The following FAM53A variants were observed in gnomAD, a reference collection of about 807,000 sequenced individuals.
FAM53A encodes the protein protein FAM53A.
A neutral mutation model predicts 26.6 loss-of-function variants in FAM53A; 28 were observed. That is an observed-to-expected ratio of 1.05 (90% CI 0.78 to 1.45). The LOEUF is 1.45. FAM53A is among the 40% of genes most tolerant of loss of function. The probability of loss-of-function intolerance (pLI) is 0.00; values close to 1 mark genes in which losing one functional copy is unlikely to be tolerated. For synonymous variants in FAM53A, 290 were observed against 253.1 expected (o/e 1.15, Z -1.38); for missense variants, 650 against 575.8 (o/e 1.13, Z -1.32).
At chr4:1,636,149 G>A (rs1715829024), downstream of FAM53A, among the ~76,000 whole-genome samples, 1 of 152,116 alleles carries the variant, frequency 6.6e-6, no homozygotes, top group Admixed American at 6.5e-5. Flanking sequence ...GCCCGGCCAT[G>A]ATACTAATTC....
chr4:1,617,969 C>T (rs561231790), exon 2 of FAM53A: 6 of 445,618 alleles, frequency 1.3e-5, no homozygotes, highest in Middle Eastern at 3.3e-4. Flanking sequence ...ATGGTGCCAC[C>T]ACAACAGAAC....
chr4:1,580,581 C>G, the FAM53A span, among the ~76,000 whole-genome samples: 8 of 148,608 alleles, frequency 5.4e-5, no homozygotes, highest in East Asian at 1.6e-3. Context: ...GGCCCCGCCT[C>G]CTACCTCGGG....
At chr4:1,609,045 C>T in the FAM53A span, among the ~76,000 whole-genome samples, 1 of 152,056 alleles carries the variant, frequency 6.6e-6, no homozygotes. Context: ...CTTGAATCCA[C>T]GTCAGGAACC....
At chr4:1,605,825 G>A in the FAM53A span, among the ~76,000 whole-genome samples, 1 of 152,110 alleles carries the variant, frequency 6.6e-6, no homozygotes, top group Admixed American at 6.5e-5. This position sits in a 1 kb window ranked among gnomAD's most constrained non-coding sequence, Gnocchi z 5.7. Flanking sequence ...CAGGAGTCCT[G>A]GTGGCTCTCA....
intron 4 of FAM53A, among the ~76,000 whole-genome samples, chr4:1,653,542 G>C (rs985936170): frequency 3.9e-5 from 6 of 152,192 alleles, no homozygotes; most frequent in Admixed American, 2.6e-4. Context: ...GCCCTGGCAA[G>C]CAGGGACAGC....
In FAM53A at chr4:1,659,957, A is replaced by C. The variant is rs1394317794; in HGVS notation, c.76-2489T>G. Among the ~76,000 whole-genome samples the C allele has an allele frequency of 6.6e-6, 1 of 152,134 alleles. No individual in the cohort carries two copies. The highest frequency in any genetic ancestry group is 6.5e-5 in the Admixed American group (1 of 15,274). On this transcript the variant is annotated intron_variant, in intron 2 of 4. Coordinates refer to ENST00000308132, the MANE Select transcript of FAM53A (RefSeq NM_001174070.3). This position sits in a 1 kb window ranked among gnomAD's most constrained non-coding sequence, Gnocchi z 5.2. The stretch of plus-strand genomic sequence containing the variant: ...ACCTTGAGGGTGAGGACTTCAACAT[A>C]TGGGTTTCGGGGAATGTGAACATGC...
chr4:1,652,619 A>G (rs1443359805), intron 4 of FAM53A, among the ~76,000 whole-genome samples: 1 of 147,980 alleles, frequency 6.8e-6, no homozygotes, highest in Admixed American at 6.7e-5. Context: ...CACCACACAC[A>G]CACACACCAG....
chr4:1,631,402 CCA>C (rs1420938042), intron 1 of FAM53A, among the ~76,000 whole-genome samples: 1 of 152,242 alleles, frequency 6.6e-6, no homozygotes, highest in East Asian at 1.9e-4. Flanking sequence ...CAGGCCGTTC[CCA>C]CACATGCTAA....
chr4:1,685,379 A>T (rs1715754384), upstream of FAM53A, among the ~76,000 whole-genome samples: 1 of 151,340 alleles, frequency 6.6e-6, no homozygotes, highest in African/African-American at 2.4e-5. Flanking sequence ...CGGGAGAAAG[A>T]GCTACCTGTG....
rs772454800 is a variant in FAM53A, at chr4:1,655,582, G to C, written c.278C>G (p.Pro93Arg). 18 of 1,582,758 alleles carry C rather than the reference G, an allele frequency of 1.1e-5. No individual in the cohort carries two copies. Among genetic ancestry groups the C allele is most frequent in the Non-Finnish European group, 1.3e-5 (15 of 1,163,430 alleles). ...GLQWQPQSPR[P>R]GAGLGAASTV... Reference sequence around the variant, plus strand: ...GCTGGCTGCACCCAGGCCTGCGCCTGGGCGCGGGGACTGTGGCTGCCACTG... The same window carrying C: ...GCTGGCTGCACCCAGGCCTGCGCCTCGGCGCGGGGACTGTGGCTGCCACTG... The change falls in exon 4 of 5, where the codon CCA (proline) becomes CGA (arginine). Residue 93 changes from proline to arginine, a missense_variant. Physicochemically the swap from Pro to Arg is moderately radical, Grantham distance 103. Coordinates refer to ENST00000308132, the MANE Select transcript of FAM53A (RefSeq NM_001174070.3).
At chr4:1,617,081 G>A (rs1480448328), downstream of FAM53A, among the ~76,000 whole-genome samples, 2 of 94,574 alleles carry the variant, frequency 2.1e-5, no homozygotes, top group Non-Finnish European at 4.6e-5. Flanking sequence ...AGGTTGCAGT[G>A]AGCTGAGATA....
chr4:1,663,456 A>G (rs765137608), intron 2 of FAM53A, among the ~76,000 whole-genome samples: 6 of 152,192 alleles, frequency 3.9e-5, no homozygotes, highest in Non-Finnish European at 8.8e-5. Context: ...AAATATGGCA[A>G]CCACCCAAAG....
intron 2 of FAM53A, among the ~76,000 whole-genome samples, chr4:1,662,851 G>A (rs1318037830): frequency 6.6e-6 from 1 of 152,124 alleles, no homozygotes; most frequent in African/African-American, 2.4e-5. Context: ...CCACACCCAT[G>A]CAGGTGGCTT....
chr4:1,626,091 G>A (rs1031341985), intron 1 of FAM53A, among the ~76,000 whole-genome samples: 12 of 152,306 alleles, frequency 7.9e-5, no homozygotes, highest in African/African-American at 2.4e-4. Context: ...AGCCCCTGCC[G>A]TCCTTCTGGG....
the FAM53A span, among the ~76,000 whole-genome samples, chr4:1,601,129 C>G: frequency 3.9e-5 from 6 of 152,094 alleles, no homozygotes; most frequent in African/African-American, 1.4e-4. Flanking sequence ...GGGGTTGGGA[C>G]AGTCCTCCAG....
the FAM53A span, among the ~76,000 whole-genome samples, chr4:1,591,827 C>T: frequency 1.3e-5 from 2 of 152,216 alleles, no homozygotes; most frequent in Admixed American, 1.3e-4. Context: ...GGTCACCCTC[C>T]AGGGCTCCTC....
intron 1 of FAM53A, chr4:1,683,761 G>C (rs1230122757): frequency 6.6e-6 from 1 of 152,280 alleles, no homozygotes; most frequent in African/African-American, 2.4e-5. Flanking sequence ...AACGGAAAAA[G>C]ACACCCCTCT....
At chr4:1,680,024 GA>G (rs60872364) in intron 1 of FAM53A, among the ~76,000 whole-genome samples, 7 of 133,316 alleles carry the variant, frequency 5.3e-5, no homozygotes, top group Admixed American at 7.6e-5. Context: ...CTCCGTCTCA[GA>G]AAAAAAAAAA....
chr4:1,588,881 T>C, the FAM53A span, among the ~76,000 whole-genome samples: 1 of 152,254 alleles, frequency 6.6e-6, no homozygotes, highest in Admixed American at 6.5e-5. Context: ...TAAGTTCTAT[T>C]GATGTATCTG....
Sources: allele counts gnomAD v4.1 joint callset (sites outside exome capture counted in the v4.1 genomes callset), GRCh38; gene constraint gnomAD v4.1.1; non-coding constraint Gnocchi (gnomAD v3.1); transcripts MANE v1.5; gene names NCBI Gene and HGNC (gene_info 2026-07-23, HGNC 2026-07-21).